The following PCLO variants were observed in gnomAD, a reference collection of about 807,000 sequenced individuals.
PCLO encodes the protein protein piccolo.
PCLO carries 82 observed loss-of-function variants against 427.5 expected under a neutral mutation model. The ratio of observed to expected loss-of-function variants is 0.19; its 90% CI spans 0.16 to 0.23. The LOEUF (loss-of-function observed/expected upper bound fraction) is 0.23. PCLO is among the 10% of genes least tolerant of loss of function. The pLI, the probability that PCLO is intolerant of heterozygous loss-of-function variation, is 1.00. For synonymous variants in PCLO, 2,357 were observed against 2,155.4 expected, an observed-to-expected ratio of 1.09 and a Z score of -2.59; for missense variants, 6,239 against 6,115.9, an observed-to-expected ratio of 1.02 and a Z score of -0.67.
chr7:82,781,636 T>C (rs561070458), intron 22 of PCLO, among the ~76,000 whole-genome samples: 2 of 152,304 alleles, frequency 1.3e-5, no homozygotes, highest in East Asian at 1.9e-4. Context: ...TTTGTTACAA[T>C]GTTGGGTGTG....
intron 13 of PCLO, among the ~76,000 whole-genome samples, chr7:82,843,710 G>A (rs1308088157): frequency 2.4e-4 from 34 of 142,318 alleles, no homozygotes; most frequent in African/African-American, 8.3e-4. Flanking sequence ...TGTCCCCTCC[G>A]GCTAGAGTGC....
chr7:83,146,118 C>T lies in PCLO; in HGVS notation c.1893+8630G>A, dbSNP rs147979505. 3.2e-3 allele frequency among the ~76,000 whole-genome samples: 482 copies of T among 152,342 alleles called. 7 individuals are homozygous for T. The highest frequency in any genetic ancestry group is 0.022 in the Admixed American group (334 of 15,300). On this transcript the variant is annotated intron_variant, in intron 2 of 24. Coordinates refer to ENST00000333891, the MANE Select transcript of PCLO (RefSeq NM_033026.6). ...AAATGCATGGTGTTCAAACTACAATCTCTCTTCCCTGTGACAAGAGACCAA... is the reference window on the plus strand; with the variant it reads ...AAATGCATGGTGTTCAAACTACAATTTCTCTTCCCTGTGACAAGAGACCAA...
chr7:82,945,082 G>C (rs1246454047), intron 6 of PCLO, among the ~76,000 whole-genome samples: 1 of 152,036 alleles, frequency 6.6e-6, no homozygotes, highest in Non-Finnish European at 1.5e-5. Context: ...CTTAAACCCA[G>C]AAGAAATAAA....
rs1409651698 is a variant in PCLO, at chr7:83,155,217, C to T, written c.1424G>A (p.Gly475Asp). ...GPTKPPSQLP[G>D]PAKPPPQQPG... ...CTGTTGAGGTGGGGGCTTTGCTGGG[C>T]CAGGCAGTTGTGAAGGAGGCTTTGT... Residue 475 changes from glycine (G) to aspartate (D), a missense_variant, in exon 2 of 25, where the codon GGC becomes GAC. By Grantham distance (94) the Gly-to-Asp change is moderately conservative. Coordinates refer to ENST00000333891, the MANE Select transcript of PCLO (RefSeq NM_033026.6). The T allele has an allele frequency of 3.1e-6, 5 of 1,613,208 alleles. No individual in the cohort carries two copies. The highest frequency in any genetic ancestry group is 4.2e-6 in the Non-Finnish European group (5 of 1,179,752).
At chr7:82,862,697 T>C (rs1792990859) in intron 10 of PCLO, among the ~76,000 whole-genome samples, 1 of 152,028 alleles carries the variant, frequency 6.6e-6, no homozygotes, top group Non-Finnish European at 1.5e-5. Context: ...TCCAGTCATT[T>C]GTAACAACAT....
chr7:82,909,086 G>A, intron 7 of PCLO, 73 bp from the exon 8 acceptor site: 2 of 1,468,698 alleles, frequency 1.4e-6, no homozygotes, highest in South Asian at 2.4e-5. Context: ...CAGATGTTCT[G>A]TAGTACTAGC....
chr7:83,137,592 G>A (rs746470681), intron 2 of PCLO, among the ~76,000 whole-genome samples: 7 of 151,976 alleles, frequency 4.6e-5, no homozygotes, highest in South Asian at 2.1e-4. Context: ...CACCACGCCC[G>A]GCTGATTTTT....
intron 1 of PCLO, among the ~76,000 whole-genome samples, chr7:83,161,705 T>C (rs1365975116): frequency 6.6e-6 from 1 of 152,186 alleles, no homozygotes; most frequent in Non-Finnish European, 1.5e-5. Flanking sequence ...AAAAATAGCA[T>C]ATGCTAATTT....
chr7:82,927,775 C>A (rs982215544), intron 6 of PCLO, among the ~76,000 whole-genome samples: 17 of 152,112 alleles, frequency 1.1e-4, no homozygotes, highest in African/African-American at 4.1e-4. Context: ...ATATTGCATT[C>A]CCTACATAAA....
intron 3 of PCLO, among the ~76,000 whole-genome samples, chr7:83,095,040 G>C (rs1054023185): frequency 9.2e-5 from 14 of 152,170 alleles, no homozygotes; most frequent in Non-Finnish European, 1.5e-4. Flanking sequence ...TATAGGATTG[G>C]GGTTAATGCT....
At chr7:83,124,516 T>C (rs542108509) in intron 3 of PCLO, among the ~76,000 whole-genome samples, 1 of 152,220 alleles carries the variant, frequency 6.6e-6, no homozygotes, top group South Asian at 2.1e-4. Flanking sequence ...CAAAAATAAA[T>C]GTAGGTGAGG....
chr7:82,819,061 T>A (rs1171065724), intron 20 of PCLO, among the ~76,000 whole-genome samples: 1 of 152,212 alleles, frequency 6.6e-6, no homozygotes, highest in Non-Finnish European at 1.5e-5. Context: ...TTGCATTTTA[T>A]ATAAATTTAA....
chr7:82,827,641 C>T (rs1791977607), intron 17 of PCLO, among the ~76,000 whole-genome samples: 1 of 151,888 alleles, frequency 6.6e-6, no homozygotes, highest in South Asian at 2.1e-4. Flanking sequence ...CACTAGTTTT[C>T]TTATTTTATT....
intron 2 of PCLO, among the ~76,000 whole-genome samples, chr7:83,144,576 C>A (rs972147083): frequency 6.6e-6 from 1 of 151,962 alleles, no homozygotes; most frequent in Admixed American, 6.6e-5. Flanking sequence ...TATGTATAAC[C>A]ACTTAACAGT....
intron 7 of PCLO, chr7:82,914,342 G>T: frequency 2.1e-6 from 1 of 468,260 alleles, no homozygotes; most frequent in Non-Finnish European, 3.7e-6. Context: ...AAAAATGAAA[G>T]AAACTTACAA....
intron 6 of PCLO, among the ~76,000 whole-genome samples, chr7:82,925,713 CTTTTTTTTTTT>C (rs34017885): frequency 3.8e-5 from 3 of 78,986 alleles, no homozygotes; most frequent in African/African-American, 1.5e-4. Flanking sequence ...ATTTTTGTTG[CTTTTTTTTTTT>C]TTTTTTTTTT....
rs112944986 is a variant in PCLO at position 82,763,401 on chromosome 7, G to A, written c.15008-1908C>T. ...GAACTTAAAAATCTCGCGGAACCAC[G>A]GAGGTCTGTGAACCACATTTCGAGA... On this transcript the variant is annotated intron_variant, in intron 22 of 24. Transcript: ENST00000333891. Among the ~76,000 whole-genome samples, 516 of 152,122 alleles carry A rather than the reference G, an allele frequency of 3.4e-3. 1 individual carries two copies. The highest frequency in any genetic ancestry group is 0.012 in the African/African-American group (482 of 41,520).
chr7:83,050,972 A>G (rs2116263173), intron 3 of PCLO, among the ~76,000 whole-genome samples: 1 of 152,184 alleles, frequency 6.6e-6, no homozygotes, highest in South Asian at 2.1e-4. Flanking sequence ...GAAAAATAAT[A>G]TGATTATATG....
chr7:83,116,870 T>A (rs191270119), intron 3 of PCLO, among the ~76,000 whole-genome samples: 1 of 152,178 alleles, frequency 6.6e-6, no homozygotes, highest in East Asian at 1.9e-4. Context: ...ATGAGGGAGG[T>A]AATGTGGTAT....
Sources: allele counts gnomAD v4.1 joint callset (sites outside exome capture counted in the v4.1 genomes callset), GRCh38; gene constraint gnomAD v4.1.1; transcripts MANE v1.5; gene names NCBI Gene and HGNC (gene_info 2026-07-23, HGNC 2026-07-21).